The following RABGAP1L variants were observed in gnomAD, a reference collection of about 807,000 sequenced individuals.
The protein encoded by RABGAP1L is rab GTPase-activating protein 1-like.
In RABGAP1L, 63 loss-of-function variants were observed where a neutral mutation model predicts 137.7. The ratio of observed to expected loss-of-function variants is 0.46; its 90% confidence interval spans 0.37 to 0.56. The LOEUF (loss-of-function observed/expected upper bound fraction) is 0.56, where lower values mean the gene tolerates loss of function less well. Among genes scored for constraint, RABGAP1L ranks in the 20% least tolerant of loss-of-function variants. The probability of loss-of-function intolerance (pLI) is 0.00; values close to 1 mark genes in which losing one functional copy is unlikely to be tolerated. For synonymous variants in RABGAP1L, 431 were observed against 433.7 expected (o/e 0.99, Z 0.08); for missense variants, 1,095 against 1,244.0 (o/e 0.88, Z 1.80).
At chr1:174,601,782 T>A (rs1670431767) in intron 13 of RABGAP1L, among the ~76,000 whole-genome samples, 2 of 150,814 alleles carry the variant, frequency 1.3e-5, no homozygotes, top group Admixed American at 1.3e-4. Context: ...ACGTTTTGAA[T>A]GCTTTGCTGC....
At chr1:174,803,659 G>A (rs1244568857) in intron 18 of RABGAP1L, among the ~76,000 whole-genome samples, 1 of 151,472 alleles carries the variant, frequency 6.6e-6, no homozygotes, top group Non-Finnish European at 1.5e-5. Context: ...CATAGAATCT[G>A]CTGCTTATTA....
chr1:174,271,551 G>A (rs912158245), intron 7 of RABGAP1L, among the ~76,000 whole-genome samples: 1 of 152,086 alleles, frequency 6.6e-6, no homozygotes, highest in Non-Finnish European at 1.5e-5. Flanking sequence ...GAGGGACCCT[G>A]TGGACAGATT....
In RABGAP1L at chr1:174,699,506, T is replaced by C; in HGVS notation, c.1900-19T>C. The C allele has an allele frequency of 6.2e-7, 1 of 1,606,444 alleles. No individual in the cohort carries two copies. Among genetic ancestry groups the C allele is most frequent in the Non-Finnish European group, 8.5e-7 (1 of 1,175,762 alleles). ...AAATGCCACTTATTTATATTGTATA[T>C]GTATATATTTTTCTGTAGATGCCAG... On this transcript the variant is annotated intron_variant, in intron 15 of 25. Transcript: ENST00000681986.
chr1:174,855,385 T>C (rs551837814), intron 19 of RABGAP1L, among the ~76,000 whole-genome samples: 2 of 152,336 alleles, frequency 1.3e-5, no homozygotes, highest in African/African-American at 4.8e-5. Context: ...AGTTGTGCTC[T>C]GTGGAACACT....
Position 174,989,907 on chromosome 1 carries a change from G to A in RABGAP1L, c.3062G>A (p.Trp1021Ter). The A allele has an allele frequency of 6.4e-7, 1 of 1,550,456 alleles. No homozygotes were observed. The highest frequency in any genetic ancestry group is 8.7e-7 in the Non-Finnish European group (1 of 1,146,854). ...GAAATCCAAGCTGCGAAAAACTCTT[G>A]GTTTAGCAAAACCCTGAACTCTATC... is the stretch of plus-strand genomic sequence containing the variant. The part of the protein sequence containing the change: ...MNEIQAAKNS[W>*]FSKTLNSIKT... Residue 1021 changes from tryptophan (W) to a stop codon, truncating the protein, a stop_gained, in exon 26 of 26, where the codon TGG (tryptophan) becomes TAG (stop). Transcript: ENST00000681986. LOFTEE classifies it high-confidence loss of function.
At chr1:174,228,439 A>T (rs1478307646) in intron 3 of RABGAP1L, among the ~76,000 whole-genome samples, 4 of 152,164 alleles carry the variant, frequency 2.6e-5, no homozygotes, top group Non-Finnish European at 5.9e-5. Flanking sequence ...CAGGCTCATC[A>T]GTCTTATTGT....
chr1:174,799,675 CA>C (rs1688548761), intron 18 of RABGAP1L, among the ~76,000 whole-genome samples: 1 of 152,090 alleles, frequency 6.6e-6, no homozygotes, highest in African/African-American at 2.4e-5. Flanking sequence ...TCCCCTGAGA[CA>C]CACTCTGCAT....
intron 14 of RABGAP1L, among the ~76,000 whole-genome samples, chr1:174,672,719 A>AT (rs1252830539): frequency 6.6e-6 from 1 of 151,880 alleles, no homozygotes; most frequent in East Asian, 1.9e-4. Context: ...TGACTTATTG[A>AT]TTGTTCAGGA....
chr1:174,626,055 A>C (rs1395018742), intron 13 of RABGAP1L, among the ~76,000 whole-genome samples: 2 of 152,234 alleles, frequency 1.3e-5, no homozygotes, highest in Non-Finnish European at 2.9e-5. Context: ...ATGGTGCTTT[A>C]TCCTAAAAGG....
intron 14 of RABGAP1L, among the ~76,000 whole-genome samples, chr1:174,664,730 CTTTCTTTTT>C (rs1393964889): frequency 3.0e-5 from 3 of 98,914 alleles, no homozygotes; most frequent in Admixed American, 1.0e-4. Flanking sequence ...TTTCTTTCTG[CTTTCTTTTT>C]TTTTTTTTTT....
rs1672286027 is a variant in RABGAP1L, at chr1:174,995,053, TAAATGTA to T, written c.*5055_*5061del. 9.1e-6 allele frequency: 1 copy of T among 109,368 alleles called. No homozygotes were observed. The highest frequency in any genetic ancestry group is 2.5e-5 in the Non-Finnish European group (1 of 39,878). The allele number at this position is 109,368 out of a possible 1,614,324, so 6.8% of individuals were successfully genotyped here. A position where few individuals can be genotyped will look rare whatever the true frequency, so the allele number is the denominator to read the frequency against. Reference sequence around the variant, plus strand: ...CATGTATTATGTATAGTACACTCTATAAATGTAAATGTAATGCTTGTCTAAAAAGTGC... The same window carrying T: ...CATGTATTATGTATAGTACACTCTATAATGTAATGCTTGTCTAAAAAGTGC... On this transcript the variant is annotated 3_prime_UTR_variant, in exon 26 of 26. Transcript: ENST00000681986.
intron 20 of RABGAP1L, chr1:174,958,076 G>A (rs1274308458): frequency 6.6e-7 from 1 of 1,520,736 alleles, no homozygotes; most frequent in African/African-American, 1.4e-5. Flanking sequence ...CAGGTGAACT[G>A]TTCCAAGACT....
chr1:174,874,396 G>C (rs1380243673), intron 19 of RABGAP1L: 2 of 890,352 alleles, frequency 2.2e-6, no homozygotes, highest in Non-Finnish European at 2.7e-6. Flanking sequence ...GAAGTTAAAT[G>C]ACTTGCCCGG....
chr1:174,298,130 C>T (rs1287598233), intron 10 of RABGAP1L, among the ~76,000 whole-genome samples: 2 of 152,208 alleles, frequency 1.3e-5, no homozygotes, highest in African/African-American at 4.8e-5. Flanking sequence ...AGATAAATGG[C>T]TACCCATCTA....
intron 1 of RABGAP1L, among the ~76,000 whole-genome samples, chr1:174,172,176 T>G (rs1309502022): frequency 8.9e-5 from 11 of 123,582 alleles, no homozygotes; most frequent in Admixed American, 2.6e-4. Flanking sequence ...TAATATTCCC[T>G]TGTGTGTGTG....
intron 18 of RABGAP1L, among the ~76,000 whole-genome samples, chr1:174,768,571 A>T (rs576198244): frequency 1.5e-3 from 226 of 152,322 alleles, no homozygotes; most frequent in African/African-American, 5.1e-3. Context: ...GCCCCACCCC[A>T]GGGCTAGCAG....
Position 174,314,175 on chromosome 1 carries a change from T to C in RABGAP1L, c.1465+9048T>C, listed in dbSNP as rs961269415. On this transcript the variant is annotated intron_variant, in intron 11 of 25. Transcript: ENST00000681986. Reference sequence around the variant, plus strand: ...TTAGTGGGAGACTTCTTATTATTGCTTCAATCTCAGTACTTGTTATTAGTC... The same window carrying C: ...TTAGTGGGAGACTTCTTATTATTGCCTCAATCTCAGTACTTGTTATTAGTC... Among the ~76,000 whole-genome samples the C allele has an allele frequency of 2.0e-5, 3 of 152,186 alleles. No individual in the cohort carries two copies. In the East Asian group the frequency reaches 5.8e-4, roughly 29 times the overall value.
At chr1:174,383,702 T>C (rs891003198) in intron 12 of RABGAP1L, among the ~76,000 whole-genome samples, 6 of 152,036 alleles carry the variant, frequency 3.9e-5, no homozygotes, top group African/African-American at 1.4e-4. Context: ...CACTCCCTAG[T>C]GAGATGAACC....
chr1:174,299,325 A>G (rs1003272628), intron 10 of RABGAP1L, among the ~76,000 whole-genome samples: 5 of 152,336 alleles, frequency 3.3e-5, no homozygotes, highest in African/African-American at 1.2e-4. Flanking sequence ...CCTGTTAGCA[A>G]GTGACATTCT....
Sources: gnomAD v4.1 joint callset for allele counts (sites outside exome capture counted in the v4.1 genomes callset) on GRCh38, gnomAD v4.1.1 for gene constraint, MANE v1.5 for transcripts, NCBI Gene and HGNC (gene_info 2026-07-23, HGNC 2026-07-21) for gene names.